Variants in ZC4H2 observed in about 807,000 individuals in gnomAD.
The protein encoded by ZC4H2 is zinc finger C4H2-type containing.
For synonymous variants in ZC4H2, 84 were observed against 66.3 expected, an observed-to-expected ratio of 1.27 and a Z score of -1.30; for missense variants, 137 against 173.9, an observed-to-expected ratio of 0.79 and a Z score of 1.19.
intron 1 of ZC4H2, among the ~76,000 whole-genome samples, chrX:64,927,359 C>A (rs1417057841): frequency 1.8e-5 from 2 of 110,632 alleles, no homozygotes; most frequent in East Asian, 2.8e-4. Context: ...TCAACTACCA[C>A]TTATGAGTGA....
intron 1 of ZC4H2, among the ~76,000 whole-genome samples, chrX:65,004,136 T>C (rs2147281492): frequency 8.9e-6 from 1 of 111,805 alleles, no homozygotes; most frequent in East Asian, 2.8e-4. Flanking sequence ...ATTCACAGCC[T>C]AATTCTACCA....
chrX:65,027,759 A>T (rs1261437751), intron 1 of ZC4H2, among the ~76,000 whole-genome samples: 3 of 111,819 alleles, frequency 2.7e-5, no homozygotes, highest in Non-Finnish European at 5.6e-5. Context: ...AGAGACAGAG[A>T]TCAGGCAAAG....
chrX:64,963,040 C>T (rs975588215), intron 1 of ZC4H2, among the ~76,000 whole-genome samples: 3 of 110,334 alleles, frequency 2.7e-5, no homozygotes, highest in Non-Finnish European at 5.7e-5. Context: ...TAATATATTA[C>T]AAAGCTGCAG....
chrX:65,004,562 G>C lies in ZC4H2; in HGVS notation c.-272+30067C>G, dbSNP rs1282270302. Among the ~76,000 whole-genome samples, 5 of 111,839 alleles carry C rather than the reference G, an allele frequency of 4.5e-5. No individual in the cohort carries two copies. In the Admixed American group the frequency reaches 4.7e-4, roughly 11 times the overall value. On this transcript the variant is annotated intron_variant, in intron 1 of 4. Coordinates refer to the ZC4H2 transcript ENST00000337990. ...CATGCTAAAAACTCCCAATAGTGTA[G>C]GTATTGATGGAACATATCTCAGAAT...
At chrX:64,987,175 G>A (rs1037623424) in intron 1 of ZC4H2, among the ~76,000 whole-genome samples, 3 of 110,139 alleles carry the variant, frequency 2.7e-5, no homozygotes, top group Admixed American at 9.7e-5. Flanking sequence ...TGATCCGCCC[G>A]TCTCAGCTTC....
chrX:64,954,115 C>T (rs1931014309), intron 1 of ZC4H2, among the ~76,000 whole-genome samples: 1 of 103,915 alleles, frequency 9.6e-6, no homozygotes, highest in African/African-American at 3.6e-5. Flanking sequence ...GGGAATTGAA[C>T]AATGAGATCA....
At chrX:65,030,800 G>A (rs1185071573) in intron 1 of ZC4H2, among the ~76,000 whole-genome samples, 1 of 110,863 alleles carries the variant, frequency 9.0e-6, no homozygotes, top group Non-Finnish European at 1.9e-5. Flanking sequence ...TGATCATTCT[G>A]GATATCTGAT....
intron 1 of ZC4H2, among the ~76,000 whole-genome samples, chrX:65,004,759 G>A: frequency 8.9e-6 from 1 of 112,140 alleles, no homozygotes; most frequent in Middle Eastern, 4.6e-3. Flanking sequence ...AAGAAATAAA[G>A]TGTGTTAAAT....
chrX:64,985,444 T>C (rs1350614851), intron 1 of ZC4H2, among the ~76,000 whole-genome samples: 2 of 111,936 alleles, frequency 1.8e-5, no homozygotes, highest in East Asian at 2.8e-4. Flanking sequence ...ATTTCTGATG[T>C]TGAAAATTTC....
At chrX:65,026,976 C>T (rs1283035746) in intron 1 of ZC4H2, among the ~76,000 whole-genome samples, 1 of 112,191 alleles carries the variant, frequency 8.9e-6, no homozygotes, top group African/African-American at 3.2e-5. Context: ...CATAAGAAAG[C>T]AACCAGACCA....
chrX:64,996,498 A>C (rs1932416417), intron 1 of ZC4H2, among the ~76,000 whole-genome samples: 2 of 111,799 alleles, frequency 1.8e-5, no homozygotes, highest in Admixed American at 9.5e-5. Context: ...AATAAACAGA[A>C]ACTATCTCTG....
chrX:64,933,287 G>T (rs1305674761), intron 1 of ZC4H2, among the ~76,000 whole-genome samples: 1 of 110,619 alleles, frequency 9.0e-6, no homozygotes, highest in Non-Finnish European at 1.9e-5. Context: ...ATTTAAGTTG[G>T]TTTTCACCTT....
chrX:64,929,246 G>A (rs981520715), intron 1 of ZC4H2, among the ~76,000 whole-genome samples: 15 of 110,659 alleles, frequency 1.4e-4, no homozygotes, highest in African/African-American at 4.6e-4. Flanking sequence ...ATTTGTTTGA[G>A]TTCCTTGTAG....
intron 1 of ZC4H2, among the ~76,000 whole-genome samples, chrX:64,969,262 T>A (rs751875103): frequency 4.5e-5 from 5 of 111,824 alleles, no homozygotes; most frequent in Admixed American, 2.8e-4. Flanking sequence ...GATTTCTTTC[T>A]GGCAAATATG....
intron 1 of ZC4H2, among the ~76,000 whole-genome samples, chrX:64,949,132 G>C (rs919932355): frequency 9.0e-6 from 1 of 111,698 alleles, no homozygotes; most frequent in Non-Finnish European, 1.9e-5. Context: ...TTGTCTATAA[G>C]ATTTCTTAAG....
chrX:64,989,467 T>C (rs1022777049), intron 1 of ZC4H2, among the ~76,000 whole-genome samples: 1 of 111,925 alleles, frequency 8.9e-6, no homozygotes, highest in Non-Finnish European at 1.9e-5. Flanking sequence ...AGGTATTTTA[T>C]TCTCTTTGAA....
At chrX:64,960,231 G>T (rs1302774516) in intron 1 of ZC4H2, among the ~76,000 whole-genome samples, 1 of 110,467 alleles carries the variant, frequency 9.1e-6, no homozygotes, top group African/African-American at 3.3e-5. Context: ...GGAAGCCAAG[G>T]TATCAAAATT....
intron 1 of ZC4H2, among the ~76,000 whole-genome samples, chrX:64,972,503 A>G (rs1931815997): frequency 8.9e-6 from 1 of 112,311 alleles, no homozygotes. Context: ...CAGGAGATTT[A>G]GGATTATAGC....
At chrX:64,940,656 T>A (rs1443547588) in intron 1 of ZC4H2, among the ~76,000 whole-genome samples, 2 of 111,688 alleles carry the variant, frequency 1.8e-5, no homozygotes, top group African/African-American at 6.5e-5. Flanking sequence ...AAATGGGGAA[T>A]CCTTTCCCCA....
Sources: gnomAD v4.1 joint callset for allele counts (sites outside exome capture counted in the v4.1 genomes callset) on GRCh38, gnomAD v4.1.1 for gene constraint, MANE v1.5 for transcripts, NCBI Gene and HGNC (gene_info 2026-07-23, HGNC 2026-07-21) for gene names.